The following HAL variants were observed in gnomAD, a reference collection of about 807,000 sequenced individuals.
HAL encodes histidine ammonia-lyase.
HAL carries 85 observed loss-of-function variants against 81.1 expected under a neutral mutation model. The ratio of observed to expected loss-of-function variants is 1.05; its 90% CI spans 0.88 to 1.25. HAL has a LOEUF of 1.25. HAL is among the 50% of genes most tolerant of loss of function. HAL has a pLI of 0.00. For missense variants in HAL, 798 were observed against 836.6 expected, an observed-to-expected ratio of 0.95 and a Z score of 0.57; for synonymous variants, 301 against 309.2, an observed-to-expected ratio of 0.97 and a Z score of 0.28.
In HAL at chr12:95,976,724, A is replaced by T; in HGVS notation, c.1655-18T>A. 6.7e-7 allele frequency: 1 copy of T among 1,500,788 alleles called. No individual in the cohort carries two copies. The highest frequency in any genetic ancestry group is 2.3e-5 in the East Asian group (1 of 44,374). 93.0% of individuals were successfully genotyped at this position (1,500,788 alleles called of 1,614,324 possible). On this transcript the variant is annotated intron_variant, in intron 18 of 20. Coordinates refer to ENST00000261208, the MANE Select transcript of HAL (RefSeq NM_002108.4). ...GGCCAGCACTGAAACAAGAAATTCC[A>T]AGAGGGTAGCTTATGAAAGTCTGAC...
chr12:95,981,772 A>G (rs527923434), intron 15 of HAL, among the ~76,000 whole-genome samples: 2 of 152,294 alleles, frequency 1.3e-5, no homozygotes, highest in South Asian at 4.2e-4. Flanking sequence ...AGATAATTCT[A>G]TTCCATCATG....
Position 95,993,971 on chromosome 12 carries a change from G to T in HAL, c.439C>A (p.Gln147Lys). The T allele has an allele frequency of 6.2e-7, 1 of 1,611,058 alleles. No individual in the cohort carries two copies. The highest frequency in any genetic ancestry group is 8.5e-7 in the Non-Finnish European group (1 of 1,177,256). Residue 147 changes from glutamine (Q) to lysine (K), a missense_variant, in exon 6 of 21, where the codon CAG (glutamine) becomes AAG (lysine). Gln to Lys is a moderately conservative substitution (Grantham distance 53). Transcript: ENST00000261208. The part of the protein sequence containing the change: ...KLTPTAEKRV[Q>K]KSREVIDSII... The stretch of plus-strand genomic sequence containing the variant: ...CTATCTATGACCTCCCTGGATTTCT[G>T]CACCCTCTTCTCAGCTGTTGGGGTG...
intron 9 of HAL, 28 bp downstream of exon 9, chr12:95,992,652 G>A (rs1348377097): frequency 2.5e-6 from 4 of 1,599,934 alleles, no homozygotes; most frequent in East Asian, 2.2e-5. Flanking sequence ...CCTCCACAGA[G>A]GTTCCGTCTA....
At position 95,995,792 on chromosome 12, in the gene HAL, G is replaced by A. The variant is rs1196384168; in HGVS notation, c.119C>T (p.Pro40Leu). ...EAVRRYIKNK[P>L]DNGGFTSVDD... ...CACGGAGGTGAAGCCACCATTGTCG[G>A]GCTTATTCTTGATATAGCGCCTCAC... Residue 40 changes from proline (P) to leucine (L), a missense_variant, in exon 2 of 21, where the codon CCC becomes CTC. Physicochemically the swap from Pro to Leu is moderately conservative, Grantham distance 98. Coordinates refer to ENST00000261208, the MANE Select transcript of HAL (RefSeq NM_002108.4). 6.2e-7 allele frequency: 1 copy of A among 1,613,460 alleles called. No individual in the cohort carries two copies. The highest frequency in any genetic ancestry group is 8.5e-7 in the Non-Finnish European group (1 of 1,180,028).
At position 95,986,103 on chromosome 12, in the gene HAL, GACCGAA is replaced by G. The variant is rs1484040003; in HGVS notation, c.1103_1108del (p.Phe368_Arg369del). Reference sequence around the variant, plus strand: ...TGGGTGGTGATCTGAGTCCAAGAGTGACCGAAACCGAAAAGCAACTTCAATTTGCCC... The same window carrying G: ...TGGGTGGTGATCTGAGTCCAAGAGTGACCGAAAAGCAACTTCAATTTGCCC... On this transcript the variant is annotated inframe_deletion, in exon 13 of 21. Transcript: ENST00000261208. The G allele has an allele frequency of 3.1e-6, 5 of 1,613,036 alleles. No individual in the cohort carries two copies. The highest frequency in any genetic ancestry group is 4.2e-6 in the Non-Finnish European group (5 of 1,179,014).
At chr12:95,977,805 C>G in intron 18 of HAL, 139 bp downstream of exon 18, 1 of 855,272 alleles carries the variant, frequency 1.2e-6, no homozygotes, top group Non-Finnish European at 1.9e-6. Flanking sequence ...AATTAGCCAG[C>G]CTGCAAGGAG....
intron 9 of HAL, among the ~76,000 whole-genome samples, chr12:95,992,321 G>T (rs1949979902): frequency 6.6e-6 from 1 of 152,212 alleles, no homozygotes; most frequent in Admixed American, 6.5e-5. Context: ...TGGCCTTTGG[G>T]ATGGACATTG....
At chr12:95,975,083 C>A (rs1252553177) in intron 20 of HAL, among the ~76,000 whole-genome samples, 1 of 152,212 alleles carries the variant, frequency 6.6e-6, no homozygotes, top group Non-Finnish European at 1.5e-5. Flanking sequence ...TGGTAAAAGG[C>A]AGTGAATTGT....
chr12:95,981,909 T>C (rs2080799571), intron 15 of HAL, among the ~76,000 whole-genome samples: 1 of 152,220 alleles, frequency 6.6e-6, no homozygotes, highest in Non-Finnish European at 1.5e-5. Flanking sequence ...GAACTTGCTG[T>C]GTGCAAGAAA....
chr12:95,978,190 T>C, intron 17 of HAL, 112 bp from the exon 18 acceptor site: 1 of 833,936 alleles, frequency 1.2e-6, no homozygotes, highest in South Asian at 1.4e-5. Context: ...CCAGAAGATC[T>C]TGGACATTAT....
chr12:95,982,110 T>C (rs1282851328), intron 15 of HAL, among the ~76,000 whole-genome samples: 1 of 152,222 alleles, frequency 6.6e-6, no homozygotes, highest in Non-Finnish European at 1.5e-5. Context: ...GTTTTTATTG[T>C]CCTCTAGTTG....
intron 20 of HAL, chr12:95,976,081 AC>A: frequency 2.7e-6 from 1 of 368,344 alleles, no homozygotes; most frequent in East Asian, 7.0e-5. Context: ...TGATAGCATC[AC>A]CCAGAAGGGA....
intron 20 of HAL, 110 bp from the exon 21 acceptor site, chr12:95,974,482 C>A: frequency 1.1e-6 from 1 of 943,748 alleles, no homozygotes; most frequent in Non-Finnish European, 1.7e-6. Context: ...TGACCAGACA[C>A]AGCTGCTGTT....
At chr12:95,978,171 A>C (rs2080747019) in intron 17 of HAL, 93 bp from the exon 18 acceptor site, 2 of 926,710 alleles carry the variant, frequency 2.2e-6, no homozygotes, top group Non-Finnish European at 3.5e-6. Context: ...ACAGCATGGG[A>C]TACACTCTCC....
intron 9 of HAL, among the ~76,000 whole-genome samples, chr12:95,991,966 T>C (rs1331033300): frequency 6.6e-6 from 1 of 152,218 alleles, no homozygotes; most frequent in African/African-American, 2.4e-5. Flanking sequence ...TGTTTTGCTG[T>C]TTGTGACTGC....
chr12:95,995,497 TG>T lies in HAL; in HGVS notation c.247+166del, dbSNP rs376712281. On this transcript the variant is annotated intron_variant, in intron 2 of 20. Coordinates refer to ENST00000261208, the MANE Select transcript of HAL (RefSeq NM_002108.4). ...GAGAATCCTACCCATCTCACAGGGT[TG>T]TGTGAGGACTTAAGATCCCCAGAGG... Among the ~76,000 whole-genome samples, 122 of 152,290 alleles carry T rather than the reference TG, an allele frequency of 8.0e-4. 1 individual carries two copies. The highest frequency in any genetic ancestry group is 2.5e-3 in the African/African-American group (105 of 41,562).
intron 20 of HAL, among the ~76,000 whole-genome samples, chr12:95,975,614 T>G (rs1271788504): frequency 6.6e-6 from 1 of 152,200 alleles, no homozygotes; most frequent in Non-Finnish European, 1.5e-5. Flanking sequence ...CCTTTCCTAT[T>G]ATTTTTTATG....
chr12:95,974,822 C>T (rs1380199422), intron 20 of HAL, among the ~76,000 whole-genome samples: 1 of 152,100 alleles, frequency 6.6e-6, no homozygotes, highest in Non-Finnish European at 1.5e-5. Flanking sequence ...TCACTGCAAC[C>T]TCCACCTTCC....
At chr12:95,977,509 G>A (rs1431519154) in intron 18 of HAL, among the ~76,000 whole-genome samples, 8 of 151,812 alleles carry the variant, frequency 5.3e-5, no homozygotes, top group Non-Finnish European at 1.2e-4. Context: ...CAGGTGTGGT[G>A]GTGCTTGCCT....
Sources: gnomAD v4.1 joint callset for allele counts (sites outside exome capture counted in the v4.1 genomes callset) on GRCh38, gnomAD v4.1.1 for gene constraint, MANE v1.5 for transcripts, NCBI Gene and HGNC (gene_info 2026-07-23, HGNC 2026-07-21) for gene names.